Variants in UTRN observed in about 807,000 individuals in gnomAD.
UTRN encodes utrophin.
In UTRN, 283 loss-of-function variants were observed where a neutral mutation model predicts 463.9. The observed-to-expected ratio is 0.61, with a 90% CI of 0.55 to 0.67. UTRN has a LOEUF of 0.67. Among genes scored for constraint, UTRN ranks in the 30% least tolerant of loss-of-function variants. The pLI, the probability that UTRN is intolerant of heterozygous loss-of-function variation, is 0.00. For synonymous variants in UTRN, 1,442 were observed against 1,431.5 expected, an observed-to-expected ratio of 1.01 and a Z score of -0.17; for missense variants, 3,922 against 4,084.3, an observed-to-expected ratio of 0.96 and a Z score of 1.08.
At chr6:144,710,150 G>C (rs952343981) in intron 53 of UTRN, among the ~76,000 whole-genome samples, 2 of 152,218 alleles carry the variant, frequency 1.3e-5, no homozygotes, top group Non-Finnish European at 2.9e-5. Flanking sequence ...TTTAGGTGAT[G>C]GCTCTGAGAT....
chr6:144,541,478 A>G (rs1377905302), intron 45 of UTRN, among the ~76,000 whole-genome samples: 1 of 152,246 alleles, frequency 6.6e-6, no homozygotes, highest in Non-Finnish European at 1.5e-5. Context: ...AAATTTTAAT[A>G]TAATTCACTT....
intron 64 of UTRN, among the ~76,000 whole-genome samples, chr6:144,800,985 C>G (rs539551523): frequency 6.6e-6 from 1 of 152,238 alleles, no homozygotes; most frequent in South Asian, 2.1e-4. Context: ...CATTGGGAAT[C>G]TTAGAGAGGA....
chr6:144,850,192 G>C (rs1782368176), intron 74 of UTRN, among the ~76,000 whole-genome samples: 1 of 152,184 alleles, frequency 6.6e-6, no homozygotes, highest in Non-Finnish European at 1.5e-5. Context: ...AAATGAGTTT[G>C]CTGCTTTCAG....
intron 13 of UTRN, among the ~76,000 whole-genome samples, chr6:144,443,635 T>C (rs1787381646): frequency 6.6e-6 from 1 of 152,090 alleles, no homozygotes; most frequent in Non-Finnish European, 1.5e-5. Flanking sequence ...TGAAGAGTGA[T>C]TTTTTATAAT....
chr6:144,380,503 T>G (rs1006721295), intron 2 of UTRN, among the ~76,000 whole-genome samples: 1 of 152,072 alleles, frequency 6.6e-6, no homozygotes, highest in Admixed American at 6.6e-5. Context: ...ATAATGAAAA[T>G]AATGATAGTT....
chr6:144,672,223 A>G (rs1016601685), intron 51 of UTRN, among the ~76,000 whole-genome samples: 5 of 151,600 alleles, frequency 3.3e-5, no homozygotes, highest in South Asian at 2.1e-4. Context: ...AATAGTGTCA[A>G]TAGGATTGGT....
intron 2 of UTRN, among the ~76,000 whole-genome samples, chr6:144,333,892 CATTTT>C (rs1776518612): frequency 6.6e-6 from 1 of 152,158 alleles, no homozygotes; most frequent in South Asian, 2.1e-4. Context: ...GTAAATATCT[CATTTT>C]ATTCATTCGT....
chr6:144,712,036 ACT>A (rs1430582008), intron 53 of UTRN, among the ~76,000 whole-genome samples: 1 of 151,850 alleles, frequency 6.6e-6, no homozygotes, highest in Non-Finnish European at 1.5e-5. Context: ...GTAATCGGAG[ACT>A]CTGCCTGAAA....
chr6:144,487,357 A>G (rs1215622136), intron 28 of UTRN, among the ~76,000 whole-genome samples, 191 bp from the exon 29 acceptor site: 1 of 152,124 alleles, frequency 6.6e-6, no homozygotes, highest in Non-Finnish European at 1.5e-5. Flanking sequence ...TAATTTCTCA[A>G]TTTTATGCAT....
In UTRN at chr6:144,513,921, C is replaced by A. The variant is rs1795388359; in HGVS notation, c.4957C>A (p.Gln1653Lys). Residue 1653 changes from glutamine (Q) to lysine (K), a missense_variant, in exon 36 of 75, where the codon CAG becomes AAG. Gln to Lys is a moderately conservative substitution (Grantham distance 53). This residue lies in a region of UTRN where 2,349 missense variants were observed against 2,303.8 expected (regional missense o/e 1.02). Transcript: ENST00000367545. ...WCNTLMNHQN[Q>K]LEIFDGNVAH... ...AATTCCTTTGTAGAACCATCAGAAC[C>A]AGCTAGAAATATTTGATGGGAACGT... 1.9e-6 allele frequency: 3 copies of A among 1,613,660 alleles called. No homozygotes were observed. Among genetic ancestry groups the A allele is most frequent in the Non-Finnish European group, 2.5e-6 (3 of 1,179,812 alleles).
Position 144,291,794 on chromosome 6 carries a change from G to T in UTRN, c.-35G>T. The T allele has an allele frequency of 6.2e-7, 1 of 1,601,194 alleles. No homozygotes were observed. Among genetic ancestry groups the T allele is most frequent in the Non-Finnish European group, 8.5e-7 (1 of 1,174,292 alleles). On this transcript the variant is annotated 5_prime_UTR_variant, in exon 2 of 75. Coordinates refer to ENST00000367545, the MANE Select transcript of UTRN (RefSeq NM_007124.3). The stretch of plus-strand genomic sequence containing the variant: ...TTGAAAGCCTTAGAAAGAGGACTTG[G>T]TAAAGTTTTTGGATTATCTTGAAAC...
At position 144,347,837 on chromosome 6, in the gene UTRN, G is replaced by GTTTTTTT. The variant is rs560581181; in HGVS notation, c.80-55280_80-55274dup. On this transcript the variant is annotated intron_variant, in intron 2 of 74. Coordinates refer to ENST00000367545, the MANE Select transcript of UTRN (RefSeq NM_007124.3). The stretch of plus-strand genomic sequence containing the variant: ...TCTCCTGAACTGTGGCTTATTCTTT[G>GTTTTTTT]TTTTTTTTTTTTGTTTTTTTTTTTG... Among the ~76,000 whole-genome samples, 68 of 128,886 alleles carry GTTTTTTT rather than the reference G, an allele frequency of 5.3e-4. 5 individuals carry two copies. The highest frequency in any genetic ancestry group is 2.2e-3 in the African/African-American group (66 of 29,460). 84.6% of individuals were successfully genotyped at this position (128,886 alleles called of 152,430 possible). A position where few individuals can be genotyped will look rare whatever the true frequency, so the allele number is the denominator to read the frequency against.
intron 50 of UTRN, among the ~76,000 whole-genome samples, chr6:144,563,579 G>A (rs1268228840): frequency 2.6e-5 from 4 of 152,110 alleles, no homozygotes; most frequent in Non-Finnish European, 5.9e-5. Context: ...CCACCAATAT[G>A]AGGTTCAGAG....
intron 2 of UTRN, among the ~76,000 whole-genome samples, chr6:144,305,998 A>G (rs1322813359): frequency 6.6e-6 from 1 of 152,260 alleles, no homozygotes; most frequent in African/African-American, 2.4e-5. Context: ...AAATAAAAAA[A>G]GCTTCCAATT....
chr6:144,520,303 G>T (rs1795976834), intron 39 of UTRN, among the ~76,000 whole-genome samples: 1 of 152,100 alleles, frequency 6.6e-6, no homozygotes, highest in Admixed American at 6.5e-5. Context: ...AAATCCAAAA[G>T]AATTATTTTT....
At chr6:144,576,766 T>C (rs1267027687) in intron 50 of UTRN, among the ~76,000 whole-genome samples, 3 of 152,176 alleles carry the variant, frequency 2.0e-5, no homozygotes, top group African/African-American at 7.2e-5. Context: ...ACTGAATGAA[T>C]AGAATTGCCT....
At chr6:144,775,164 G>T (rs950173946) in intron 60 of UTRN, among the ~76,000 whole-genome samples, 1 of 152,194 alleles carries the variant, frequency 6.6e-6, no homozygotes, top group Non-Finnish European at 1.5e-5. Context: ...AGGCAGTTCA[G>T]TGATGCTTTG....
intron 51 of UTRN, among the ~76,000 whole-genome samples, chr6:144,645,577 G>T (rs1778211137): frequency 6.6e-6 from 1 of 152,146 alleles, no homozygotes; most frequent in Non-Finnish European, 1.5e-5. Context: ...TTAGTTTTTT[G>T]ATTAATAACA....
chr6:144,752,249 T>C (rs555766521), intron 56 of UTRN, among the ~76,000 whole-genome samples: 1 of 152,288 alleles, frequency 6.6e-6, no homozygotes, highest in East Asian at 1.9e-4. Context: ...GAAACATTTT[T>C]CACATAATGG....
Sources: gnomAD v4.1 joint callset for allele counts (sites outside exome capture counted in the v4.1 genomes callset) on GRCh38, gnomAD v4.1.1 for gene constraint, gnomAD v4.1.1 regional missense constraint, MANE v1.5 for transcripts, NCBI Gene and HGNC (gene_info 2026-07-23, HGNC 2026-07-21) for gene names.